Variants in CTDSP1 observed in about 807,000 individuals in gnomAD.
The protein encoded by CTDSP1 is carboxy-terminal domain RNA polymerase II polypeptide A small phosphatase 1.
A neutral mutation model predicts 32.5 loss-of-function variants in CTDSP1; 15 were observed. The ratio of observed to expected loss-of-function variants is 0.46; its 90% CI spans 0.31 to 0.71. The LOEUF (loss-of-function observed/expected upper bound fraction) is 0.71. Among genes scored for constraint, CTDSP1 ranks in the 30% least tolerant of loss-of-function variants. CTDSP1 has a pLI of 0.05. For missense variants in CTDSP1, 294 were observed against 351.1 expected, an observed-to-expected ratio of 0.84 and a Z score of 1.30; for synonymous variants, 185 against 145.4, an observed-to-expected ratio of 1.27 and a Z score of -1.96.
At chr2:218,399,606 G>A (rs1696993562), upstream of CTDSP1, 1 of 523,334 alleles carries the variant, frequency 1.9e-6, no homozygotes, top group South Asian at 8.1e-5. Flanking sequence ...GGCGGGCCTT[G>A]GCCGAGGGCG....
chr2:218,403,199 C>T (rs370393498), intron 5 of CTDSP1, 33 bp from the exon 6 acceptor site: 14 of 1,611,096 alleles, frequency 8.7e-6, no homozygotes, highest in African/African-American at 6.7e-5. Flanking sequence ...AATGAACCTG[C>T]GGGCCCCAGG....
chr2:218,397,461 C>T (rs368661661), upstream of CTDSP1, among the ~76,000 whole-genome samples: 8 of 152,142 alleles, frequency 5.3e-5, no homozygotes, highest in Admixed American at 2.0e-4. Flanking sequence ...ACTTTGTGCA[C>T]GGCTCCCCGC....
At chr2:218,400,852 TCTC>T (rs776031974) in intron 1 of CTDSP1, 15 of 456,042 alleles carry the variant, frequency 3.3e-5, no homozygotes, top group South Asian at 1.5e-4. Context: ...GGGTCTGTCT[TCTC>T]CTTTTCCCCG....
Position 218,400,028 on chromosome 2 carries a change from C to A in CTDSP1, c.-63C>A. ...CCCCCCCGCGCCCCGATTCCGGCCC[C>A]AGCCGGGGGGGAGGCCGGGCGCCCG... On this transcript the variant is annotated 5_prime_UTR_variant, in exon 1 of 7. Transcript: ENST00000273062. The A allele has an allele frequency of 7.4e-7, 1 of 1,343,530 alleles. No individual in the cohort carries two copies. Among genetic ancestry groups the A allele is most frequent in the Non-Finnish European group, 9.6e-7 (1 of 1,044,876 alleles). 83.2% of individuals were successfully genotyped at this position (1,343,530 alleles called of 1,614,324 possible). A position where few individuals can be genotyped will look rare whatever the true frequency, so the allele number is the denominator to read the frequency against.
rs376144515 is a variant in CTDSP1 at position 218,404,473 on chromosome 2, C to T, written c.*48C>T. ...TGCCCCTGACCAATGATACCCACAC[C>T]TCCTCCCAGGAAGACTGCCCAGGCC... On this transcript the variant is annotated 3_prime_UTR_variant, in exon 7 of 7. Transcript: ENST00000273062. The T allele has an allele frequency of 5.0e-6, 8 of 1,605,466 alleles. No individual in the cohort carries two copies. The highest frequency in any genetic ancestry group is 6.8e-6 in the Non-Finnish European group (8 of 1,174,828).
intron 6 of CTDSP1, 150 bp downstream of exon 6, chr2:218,403,567 C>T (rs1329058026): frequency 1.6e-6 from 1 of 643,562 alleles, no homozygotes; most frequent in East Asian, 2.8e-5. Flanking sequence ...CTGCCGCCCA[C>T]TCCCCTCATC....
chr2:218,401,806 CT>C, intron 2 of CTDSP1, 94 bp downstream of exon 2: 1 of 1,236,488 alleles, frequency 8.1e-7, no homozygotes, highest in Non-Finnish European at 1.1e-6. Flanking sequence ...TCAGGATGGA[CT>C]TGCAGACCTG....
At chr2:218,403,562 G>A (rs377453719) in intron 6 of CTDSP1, 145 bp downstream of exon 6, 28 of 674,388 alleles carry the variant, frequency 4.2e-5, no homozygotes, top group African/African-American at 3.3e-4. Context: ...TGTGCCTGCC[G>A]CCCACTCCCC....
rs747957507 is a variant in CTDSP1, at chr2:218,402,128, C to T, written c.234C>T (p.Tyr78=). The change falls in exon 3 of 7, where the codon TAC becomes TAT. Residue 78 remains tyrosine (Y), a synonymous_variant. Transcript: ENST00000273062. ...GAIPKQTPVQ[Y]LLPEAKAQDS... ...CCCTACAGCAGACCCCAGTCCAATA[C>T]CTGCTCCCTGAGGCCAAGGCCCAGG... 1.2e-6 allele frequency: 2 copies of T among 1,612,408 alleles called. No homozygotes were observed. Among genetic ancestry groups the T allele is most frequent in the African/African-American group, 1.3e-5 (1 of 74,912 alleles).
At chr2:218,400,674 G>T (rs1245761150) in intron 1 of CTDSP1, 2 of 450,108 alleles carry the variant, frequency 4.4e-6, no homozygotes, top group Non-Finnish European at 8.9e-6. Flanking sequence ...TTCGCGTCAC[G>T]CGTGGAGGCG....
At chr2:218,398,186 G>T (rs1696919777), upstream of CTDSP1, 1 of 549,358 alleles carries the variant, frequency 1.8e-6, no homozygotes, top group Admixed American at 3.3e-5. Context: ...CACCCAGGGG[G>T]CCGGACCGCA....
In CTDSP1 at chr2:218,403,006, C is replaced by T. The variant is rs748219897; in HGVS notation, c.379-29C>T. The T allele has an allele frequency of 1.8e-5, 28 of 1,580,036 alleles. No homozygotes were observed. In the East Asian group the frequency reaches 3.4e-4, roughly 19 times the overall value. ...CCACCCCCACACTGCCCCACTGGCC[C>T]GCAGCCCCCTCACTGGCCCGCCCCC... On this transcript the variant is annotated intron_variant, in intron 4 of 6. Transcript: ENST00000273062.
Position 218,402,354 on chromosome 2 carries a change from G to A in CTDSP1, c.327G>A (p.Val109=), listed in dbSNP as rs759712299. 7.4e-6 allele frequency: 12 copies of A among 1,613,956 alleles called. No homozygotes were observed. The highest frequency in any genetic ancestry group is 9.3e-6 in the Non-Finnish European group (11 of 1,179,944). Residue 109 remains valine, a synonymous_variant, in exon 4 of 7, where the codon GTG becomes GTA. Coordinates refer to ENST00000273062, the MANE Select transcript of CTDSP1 (RefSeq NM_021198.3). ...ETLVHSSFKP[V]NNADFIIPVE... ...CAGCTCTTTTCCCCCCACAGCCAGT[G>A]AACAACGCGGACTTCATCATCCCTG...
In CTDSP1 at chr2:218,401,494, C is replaced by T. The variant is rs926409643; in HGVS notation, c.68-70C>T. 5.1e-6 allele frequency: 8 copies of T among 1,574,856 alleles called. No individual in the cohort carries two copies. The African/African-American group carries it at 8.1e-5, about 16-fold the overall frequency. ...GATCCTCCTGGCTCAGGGGTTCACA[C>T]CTGGGCACACATGCAGGATTCTGCA... On this transcript the variant is annotated intron_variant, in intron 1 of 6. Coordinates refer to ENST00000273062, the MANE Select transcript of CTDSP1 (RefSeq NM_021198.3).
chr2:218,399,736 C>T (rs1697004022), upstream of CTDSP1: 1 of 1,008,846 alleles, frequency 9.9e-7, no homozygotes, highest in South Asian at 4.6e-5. Flanking sequence ...AGGAACCCGG[C>T]CCGGCCCGCC....
upstream of CTDSP1, chr2:218,396,592 A>C (rs1360765436): frequency 6.6e-6 from 1 of 152,438 alleles, no homozygotes; most frequent in Non-Finnish European, 1.5e-5. Flanking sequence ...CAAGGAGAGA[A>C]GAGATGGGAC....
upstream of CTDSP1, chr2:218,396,766 C>A: frequency 6.5e-6 from 1 of 152,792 alleles, no homozygotes; most frequent in Non-Finnish European, 1.5e-5. Flanking sequence ...CCTTTAGCCT[C>A]CTGGAAGTGC....
At chr2:218,401,998 A>G (rs1697169154) in intron 2 of CTDSP1, 113 bp from the exon 3 acceptor site, 16 of 779,766 alleles carry the variant, frequency 2.1e-5, no homozygotes, top group Middle Eastern at 3.5e-4. Flanking sequence ...AGGGGGAAGT[A>G]TCTGTTCCTG....
In CTDSP1 at chr2:218,399,981, CCCT is replaced by C; in HGVS notation, c.-107_-105del. Reference sequence around the variant, plus strand: ...CCTCCCCTCCGGAGCTCGCGGGGATCCCTCCCTCCCACCCCTCCCCTCCCCCCC... The same window carrying C: ...CCTCCCCTCCGGAGCTCGCGGGGATCCCCTCCCACCCCTCCCCTCCCCCCC... On this transcript the variant is annotated 5_prime_UTR_variant, in exon 1 of 7. Coordinates refer to ENST00000273062, the MANE Select transcript of CTDSP1 (RefSeq NM_021198.3). The C allele has an allele frequency of 2.4e-6, 1 of 419,486 alleles. No homozygotes were observed. Among genetic ancestry groups the C allele is most frequent in the Non-Finnish European group, 3.5e-6 (1 of 287,792 alleles). The allele number at this position is 419,486 out of a possible 1,614,324, so 26.0% of individuals were successfully genotyped here. A position where few individuals can be genotyped will look rare whatever the true frequency, so the allele number is the denominator to read the frequency against.
Sources: allele counts gnomAD v4.1 joint callset (sites outside exome capture counted in the v4.1 genomes callset), GRCh38; gene constraint gnomAD v4.1.1; transcripts MANE v1.5; gene names NCBI Gene and HGNC (gene_info 2026-07-23, HGNC 2026-07-21).